PHF20: variants seen among roughly 807,000 people sequenced by gnomAD.
PHF20 encodes PHD finger protein 20.
PHF20 carries 23 observed loss-of-function variants against 113.5 expected under a neutral mutation model. That is an observed-to-expected ratio of 0.20 (90% CI 0.15 to 0.29). PHF20 has a LOEUF of 0.29. PHF20 is among the 10% of genes least tolerant of loss of function. The pLI is 1.00. For missense variants in PHF20, 943 were observed against 1,219.6 expected, an observed-to-expected ratio of 0.77 and a Z score of 3.38; for synonymous variants, 434 against 457.3, an observed-to-expected ratio of 0.95 and a Z score of 0.65.
chr20:35,820,772 A>G (rs1159683615), intron 2 of PHF20, among the ~76,000 whole-genome samples: 1 of 152,054 alleles, frequency 6.6e-6, no homozygotes, highest in Non-Finnish European at 1.5e-5. Context: ...TCAAGTGGGT[A>G]GAGTGCCTCT....
intron 2 of PHF20, among the ~76,000 whole-genome samples, chr20:35,804,457 C>T (rs1049296798): frequency 6.6e-6 from 1 of 151,898 alleles, no homozygotes. Flanking sequence ...AGGATGGTTG[C>T]GATCTCCTGA....
At chr20:35,900,766 GGCAGAGGTT>G (rs1323622106) in intron 10 of PHF20, among the ~76,000 whole-genome samples, 1 of 152,100 alleles carries the variant, frequency 6.6e-6, no homozygotes, top group Non-Finnish European at 1.5e-5. Context: ...GAACCCAGGA[GGCAGAGGTT>G]GCAGTGAACC....
chr20:35,840,926 T>C (rs1600810594), intron 2 of PHF20, among the ~76,000 whole-genome samples: 2 of 152,224 alleles, frequency 1.3e-5, no homozygotes, highest in Admixed American at 6.5e-5. Flanking sequence ...AGAAACCATC[T>C]ACTGAACTGA....
At chr20:35,794,048 C>G (rs1392354419) in intron 1 of PHF20, among the ~76,000 whole-genome samples, 2 of 145,490 alleles carry the variant, frequency 1.4e-5, no homozygotes, top group Non-Finnish European at 3.0e-5. Context: ...ACCTGTAATC[C>G]CCAGCACTTT....
At chr20:35,853,638 G>A (rs2077065741) in intron 4 of PHF20, among the ~76,000 whole-genome samples, 1 of 152,088 alleles carries the variant, frequency 6.6e-6, no homozygotes, top group South Asian at 2.1e-4. Context: ...CATGCCTGTA[G>A]TCCCAGCCAC....
At chr20:35,903,541 A>G (rs950480570) in intron 10 of PHF20, among the ~76,000 whole-genome samples, 3 of 152,070 alleles carry the variant, frequency 2.0e-5, no homozygotes, top group African/African-American at 7.2e-5. Flanking sequence ...TTGTGCAGCC[A>G]GGAAGGAATG....
At chr20:35,896,271 C>T (rs2054981143) in intron 9 of PHF20, among the ~76,000 whole-genome samples, 1 of 151,750 alleles carries the variant, frequency 6.6e-6, no homozygotes, top group Non-Finnish European at 1.5e-5. Context: ...TAATACTTAC[C>T]AAAGGTTTAA....
chr20:35,935,928 C>T (rs1035590663), intron 15 of PHF20, among the ~76,000 whole-genome samples: 7 of 152,168 alleles, frequency 4.6e-5, no homozygotes, highest in South Asian at 4.1e-4. Context: ...AATTTATTTT[C>T]GAAGACAAAC....
At chr20:35,811,606 C>G (rs150491372) in intron 2 of PHF20, among the ~76,000 whole-genome samples, 2 of 152,034 alleles carry the variant, frequency 1.3e-5, no homozygotes, top group East Asian at 3.9e-4. Flanking sequence ...CCACGCTCAG[C>G]TAATTTTTTT....
chr20:35,853,577 G>A (rs1476374516), intron 4 of PHF20, among the ~76,000 whole-genome samples: 3 of 151,974 alleles, frequency 2.0e-5, no homozygotes, highest in Admixed American at 6.6e-5. Context: ...CCAATGCCCC[G>A]CTATCTCTAC....
rs1353658010 is a variant in PHF20, at chr20:35,839,789, G to C, written c.84-2784G>C. Among the ~76,000 whole-genome samples, 3 of 152,186 alleles carry C rather than the reference G, an allele frequency of 2.0e-5. No individual in the cohort carries two copies. In the East Asian group the frequency reaches 5.8e-4, roughly 29 times the overall value. ...AAAACATACCCTTCCAGTCCTCTGTGAGGAATACACACATGAAGTGATGGG... is the reference window on the plus strand; with the variant it reads ...AAAACATACCCTTCCAGTCCTCTGTCAGGAATACACACATGAAGTGATGGG... On this transcript the variant is annotated intron_variant, in intron 2 of 17. Transcript: ENST00000374012.
intron 5 of PHF20, among the ~76,000 whole-genome samples, chr20:35,861,747 C>T (rs2054222089): frequency 1.3e-5 from 2 of 152,216 alleles, no homozygotes; most frequent in East Asian, 1.9e-4. Context: ...TGGCTGTTAC[C>T]GAGAATGCCT....
At chr20:35,945,237 C>T (rs1431356689) in intron 17 of PHF20, among the ~76,000 whole-genome samples, 1 of 152,140 alleles carries the variant, frequency 6.6e-6, no homozygotes, top group African/African-American at 2.4e-5. Flanking sequence ...AGGCTTGCCA[C>T]ATTTCAGACA....
At chr20:35,823,292 C>T (rs929874255) in intron 2 of PHF20, among the ~76,000 whole-genome samples, 2 of 151,766 alleles carry the variant, frequency 1.3e-5, no homozygotes, top group Non-Finnish European at 2.9e-5. Flanking sequence ...TGACAGTTCA[C>T]GCAAGCCCCA....
In PHF20 at chr20:35,908,630, A is replaced by G. The variant is rs557943099; in HGVS notation, c.1562-4619A>G. The stretch of plus-strand genomic sequence containing the variant: ...GTGGAGGAGTGTGGGTGAAGGTACA[A>G]CAGATAATATCCCTCCTTTGCTGAG... On this transcript the variant is annotated intron_variant, in intron 10 of 17. Coordinates refer to ENST00000374012, the MANE Select transcript of PHF20 (RefSeq NM_016436.5). Among the ~76,000 whole-genome samples the G allele has an allele frequency of 1.2e-4, 19 of 152,280 alleles. No individual in the cohort carries two copies. In the South Asian group the frequency reaches 3.7e-3, roughly 30 times the overall value.
Position 35,837,032 on chromosome 20 carries a change from C to T in PHF20, c.84-5541C>T, listed in dbSNP as rs565359551. Among the ~76,000 whole-genome samples, 8 of 151,904 alleles carry T rather than the reference C, an allele frequency of 5.3e-5. No individual in the cohort carries two copies. The South Asian group carries it at 1.2e-3, about 24-fold the overall frequency. On this transcript the variant is annotated intron_variant, in intron 2 of 17. Coordinates refer to ENST00000374012, the MANE Select transcript of PHF20 (RefSeq NM_016436.5). Reference sequence around the variant, plus strand: ...AAAAAATACCAAAAAAGTATCTTAGCCGAGCATGGTGGCGTGAGCCTGTAG... The same window carrying T: ...AAAAAATACCAAAAAAGTATCTTAGTCGAGCATGGTGGCGTGAGCCTGTAG...
chr20:35,789,042 A>G (rs936950496), intron 1 of PHF20, among the ~76,000 whole-genome samples: 3 of 152,144 alleles, frequency 2.0e-5, no homozygotes, highest in African/African-American at 7.2e-5. Flanking sequence ...TTAGGTTGCC[A>G]TGGGAGAATG....
intron 13 of PHF20, among the ~76,000 whole-genome samples, chr20:35,917,984 T>C (rs1226869397): frequency 6.6e-6 from 1 of 152,150 alleles, no homozygotes; most frequent in Non-Finnish European, 1.5e-5. Flanking sequence ...ACTGAAATCT[T>C]TGGAGTGGCA....
intron 14 of PHF20, 75 bp downstream of exon 14, chr20:35,927,954 A>C: frequency 9.8e-7 from 1 of 1,020,582 alleles, no homozygotes; most frequent in East Asian, 2.4e-5. Flanking sequence ...ACACATTCTA[A>C]ATGTCTGCGG....
Sources: allele counts gnomAD v4.1 joint callset (sites outside exome capture counted in the v4.1 genomes callset), GRCh38; gene constraint gnomAD v4.1.1; transcripts MANE v1.5; gene names NCBI Gene and HGNC (gene_info 2026-07-23, HGNC 2026-07-21).